The following AGO1 variants were observed in gnomAD, a reference collection of about 807,000 sequenced individuals.
AGO1 encodes argonaute RISC component 1, also known as protein argonaute-1.
A neutral mutation model predicts 109.2 loss-of-function variants in AGO1; 11 were observed. The ratio of observed to expected loss-of-function variants is 0.10; its 90% CI spans 0.06 to 0.17. AGO1 has a LOEUF of 0.17. Ranked by LOEUF, AGO1 falls within the 10% of genes least tolerant of loss-of-function variation. The pLI is 1.00. For synonymous variants in AGO1, 422 were observed against 418.6 expected, an observed-to-expected ratio of 1.01 and a Z score of -0.10; for missense variants, 574 against 1,140.3, an observed-to-expected ratio of 0.50 and a Z score of 7.15.
chr1:35,889,520 A>G (rs576167536), intron 2 of AGO1, among the ~76,000 whole-genome samples: 4 of 150,902 alleles, frequency 2.7e-5, no homozygotes, highest in South Asian at 2.1e-4. Context: ...CCTCTGTGAT[A>G]TTTCTTTAAT....
At position 35,886,523 on chromosome 1, in the gene AGO1, C is replaced by G. The variant is rs557161595; in HGVS notation, c.26-1904C>G. ...AAGGCTTTGAGGCTAGAGTGTCTGTCCCATCCCCCATCATTTCTAACTAGC... is the reference window on the plus strand; with the variant it reads ...AAGGCTTTGAGGCTAGAGTGTCTGTGCCATCCCCCATCATTTCTAACTAGC... On this transcript the variant is annotated intron_variant, in intron 1 of 18. Coordinates refer to ENST00000373204, the MANE Select transcript of AGO1 (RefSeq NM_012199.5). 8.5e-5 allele frequency among the ~76,000 whole-genome samples: 13 copies of G among 152,110 alleles called. No individual in the cohort carries two copies. In the East Asian group the frequency reaches 2.5e-3, roughly 29 times the overall value.
Position 35,893,925 on chromosome 1 carries a change from AC to A in AGO1, c.650-107del. On this transcript the variant is annotated intron_variant, in intron 5 of 18. Coordinates refer to ENST00000373204, the MANE Select transcript of AGO1 (RefSeq NM_012199.5). This position sits in a 1 kb window ranked among gnomAD's most constrained non-coding sequence, Gnocchi z 5.6. ...CTAGTCTAATTCCTACAGCCCTGGC[AC>A]CCCCTTCCCCCATCCCAATGCCCTT... 2 of 1,528,606 alleles carry A rather than the reference AC, an allele frequency of 1.3e-6. No individual in the cohort carries two copies. The highest frequency in any genetic ancestry group is 8.8e-7 in the Non-Finnish European group (1 of 1,133,394). 94.7% of individuals were successfully genotyped at this position (1,528,606 alleles called of 1,614,324 possible). A position where few individuals can be genotyped will look rare whatever the true frequency, so the allele number is the denominator to read the frequency against.
chr1:35,888,247 AAG>A lies in AGO1; in HGVS notation c.26-176_26-175del, dbSNP rs1265527036. 1.3e-5 allele frequency among the ~76,000 whole-genome samples: 2 copies of A among 152,240 alleles called. No homozygotes were observed. Among genetic ancestry groups the A allele is most frequent in the Non-Finnish European group, 2.9e-5 (2 of 68,042 alleles). On this transcript the variant is annotated intron_variant, in intron 1 of 18. Transcript: ENST00000373204. This position sits in a 1 kb window ranked among gnomAD's most constrained non-coding sequence, Gnocchi z 4.1. ...ACTGGAGAGAGATTAAAAAAGAAAA[AAG>A]AGAAAAAACACAGATGAGCTTGAGA...
upstream of AGO1, among the ~76,000 whole-genome samples, chr1:35,880,827 T>C (rs1462877550): frequency 6.6e-6 from 1 of 152,104 alleles, no homozygotes; most frequent in Non-Finnish European, 1.5e-5. Flanking sequence ...GCTCAGCTAA[T>C]TTTTGTATTT....
chr1:35,892,065 T>C (rs1485921274), intron 2 of AGO1, among the ~76,000 whole-genome samples: 1 of 152,120 alleles, frequency 6.6e-6, no homozygotes, highest in Admixed American at 6.5e-5. Flanking sequence ...TTTATTTTTT[T>C]GTAGAAGATA....
chr1:35,887,595 C>G (rs1241675839), intron 1 of AGO1, among the ~76,000 whole-genome samples: 1 of 152,144 alleles, frequency 6.6e-6, no homozygotes, highest in Non-Finnish European at 1.5e-5. Context: ...GAGCCAGTGT[C>G]TCTTCTCCAG....
intron 10 of AGO1, 60 bp downstream of exon 10, chr1:35,902,130 G>A (rs997555146): frequency 1.3e-6 from 2 of 1,587,198 alleles, no homozygotes; most frequent in East Asian, 2.2e-5. Flanking sequence ...GGGTTGTATA[G>A]CCAGGGGCTT....
chr1:35,917,101 C>T (rs55762724), intron 15 of AGO1, among the ~76,000 whole-genome samples: 7,283 of 152,260 alleles, frequency 0.048, 259 homozygotes, highest in South Asian at 0.084. Flanking sequence ...CTTAGCTAGC[C>T]TGTTTTCTTA....
chr1:35,886,302 A>G (rs1645119336), intron 1 of AGO1, among the ~76,000 whole-genome samples: 1 of 152,008 alleles, frequency 6.6e-6, no homozygotes, highest in African/African-American at 2.4e-5. Context: ...AGCTGGGGTA[A>G]GGGGGGCGGG....
At chr1:35,902,153 C>G in intron 10 of AGO1, 51 bp from the exon 11 acceptor site, 1 of 1,595,010 alleles carries the variant, frequency 6.3e-7, no homozygotes, top group Non-Finnish European at 8.6e-7. Flanking sequence ...GCTCCCCTAC[C>G]CACCTGACTC....
At chr1:35,914,613 G>T (rs546285298) in intron 14 of AGO1, among the ~76,000 whole-genome samples, 45 of 152,290 alleles carry the variant, frequency 3.0e-4, no homozygotes, top group African/African-American at 1.1e-3. Flanking sequence ...TTACTTAGTT[G>T]CGAGGACTAT....
intron 11 of AGO1, among the ~76,000 whole-genome samples, chr1:35,904,836 G>A (rs185213729): frequency 3.9e-5 from 6 of 152,270 alleles, no homozygotes; most frequent in Non-Finnish European, 8.8e-5. Context: ...AATAAATAGA[G>A]CAAAGTCCCT....
Position 35,913,982 on chromosome 1 carries a change from A to G in AGO1, c.1723A>G (p.Ile575Val), listed in dbSNP as rs762483320. The change falls in exon 13 of 19, where the codon ATC becomes GTC. Residue 575 changes from isoleucine to valine, a missense_variant. This residue lies in a region of AGO1 where 68 missense variants were observed against 200.2 expected (regional missense o/e 0.34). Transcript: ENST00000373204. ...TGTCAAACTTGGTGGCATTAACAAC[A>G]TCCTAGTCCCACACCAGCGGTATGA... is the stretch of plus-strand genomic sequence containing the variant. ...INVKLGGINN[I>V]LVPHQRSAVF... 1 of 1,614,030 alleles carries G rather than the reference A, an allele frequency of 6.2e-7. No homozygotes were observed. The highest frequency in any genetic ancestry group is 1.7e-5 in the Admixed American group (1 of 59,996).
rs1645059390 is a variant in AGO1, at chr1:35,883,291, C to T, written c.-131C>T. The T allele has an allele frequency of 7.0e-7, 1 of 1,423,988 alleles. No homozygotes were observed. Among genetic ancestry groups the T allele is most frequent in the South Asian group, 1.5e-5 (1 of 67,930 alleles). 88.2% of individuals were successfully genotyped at this position (1,423,988 alleles called of 1,614,324 possible). The stretch of plus-strand genomic sequence containing the variant: ...AACGGAGGCTGCGGGGGCGGCGGCG[C>T]GAGCGGCCGGGCTTGGTAGGGGAGC... On this transcript the variant is annotated 5_prime_UTR_variant, in exon 1 of 19. Transcript: ENST00000373204. The surrounding 1 kb of genome is among the most constrained non-coding windows in gnomAD (Gnocchi z 5.4).
Position 35,901,345 on chromosome 1 carries a change from T to C in AGO1, c.1021-129T>C. 1 of 1,111,560 alleles carries C rather than the reference T, an allele frequency of 9.0e-7. No homozygotes were observed. 68.9% of individuals were successfully genotyped at this position (1,111,560 alleles called of 1,614,324 possible). The stretch of plus-strand genomic sequence containing the variant: ...ATGATACTCAGGAGGAGAATACATG[T>C]ATGCACAACGGATTTTGCAGTTCCC... On this transcript the variant is annotated intron_variant, in intron 8 of 18. Coordinates refer to ENST00000373204, the MANE Select transcript of AGO1 (RefSeq NM_012199.5). This position sits in a 1 kb window ranked among gnomAD's most constrained non-coding sequence, Gnocchi z 4.8.
rs989617377 is a variant in AGO1, at chr1:35,919,824, C to T, written c.*217C>T. On this transcript the variant is annotated 3_prime_UTR_variant, in exon 19 of 19. Transcript: ENST00000373204. The surrounding 1 kb of genome is among the most constrained non-coding windows in gnomAD (Gnocchi z 6.6). ...TCTGATATCAACCTCATGTCCCCCA[C>T]CCCTCACCCCATCTTGTCACATCTG... 1 of 552,056 alleles carries T rather than the reference C, an allele frequency of 1.8e-6. No individual in the cohort carries two copies. The highest frequency in any genetic ancestry group is 3.2e-6 in the Non-Finnish European group (1 of 308,946). 34.2% of individuals were successfully genotyped at this position (552,056 alleles called of 1,614,324 possible).
rs1293016194 is a variant in AGO1 at position 35,925,268 on chromosome 1, G to A, written c.*5661G>A. ...TCTTGTAACTCTATGACTTACTTACGTTATTCTCCAGTATTTCTTGAAAAT... is the reference window on the plus strand; with the variant it reads ...TCTTGTAACTCTATGACTTACTTACATTATTCTCCAGTATTTCTTGAAAAT... On this transcript the variant is annotated 3_prime_UTR_variant, in exon 19 of 19. Coordinates refer to ENST00000373204, the MANE Select transcript of AGO1 (RefSeq NM_012199.5). 2 of 150,390 alleles carry A rather than the reference G, an allele frequency of 1.3e-5. No individual in the cohort carries two copies. The highest frequency in any genetic ancestry group is 3.9e-4 in the East Asian group (2 of 5,130). The allele number at this position is 150,390 out of a possible 1,614,324, so 9.3% of individuals were successfully genotyped here. A position where few individuals can be genotyped will look rare whatever the true frequency, so the allele number is the denominator to read the frequency against.
chr1:35,893,297 A>G lies in AGO1; in HGVS notation c.512+19A>G. On this transcript the variant is annotated intron_variant, in intron 4 of 18. Coordinates refer to ENST00000373204, the MANE Select transcript of AGO1 (RefSeq NM_012199.5). This position sits in a 1 kb window ranked among gnomAD's most constrained non-coding sequence, Gnocchi z 5.6. ...CCATGAGGTATTGGGTGTAGTTAGT[A>G]TCTGGGCTACTAGTGTTGGCAGAAC... The G allele has an allele frequency of 6.2e-7, 1 of 1,607,618 alleles. No homozygotes were observed. Among genetic ancestry groups the G allele is most frequent in the Non-Finnish European group, 8.5e-7 (1 of 1,175,092 alleles).
At chr1:35,874,285 A>G (rs984856060) in intron 1 of AGO1, among the ~76,000 whole-genome samples, 4 of 152,132 alleles carry the variant, frequency 2.6e-5, no homozygotes. Flanking sequence ...CTCCCACCTC[A>G]GCTTCCTGAG....
Sources: allele counts gnomAD v4.1 joint callset (sites outside exome capture counted in the v4.1 genomes callset), GRCh38; gene constraint gnomAD v4.1.1; regional missense constraint gnomAD v4.1.1; non-coding constraint Gnocchi (gnomAD v3.1); transcripts MANE v1.5; gene names NCBI Gene and HGNC (gene_info 2026-07-23, HGNC 2026-07-21).